Variants in CCDC171 observed in about 807,000 individuals in gnomAD.
CCDC171 encodes coiled-coil domain-containing protein 171.
A neutral mutation model predicts 168.2 loss-of-function variants in CCDC171; 177 were observed. The observed-to-expected ratio is 1.05, with a 90% confidence interval of 0.93 to 1.19. The LOEUF is 1.19. CCDC171 is among the 50% of genes most tolerant of loss of function. The probability of loss-of-function intolerance (pLI) is 0.00; values close to 1 mark genes in which losing one functional copy is unlikely to be tolerated. For synonymous variants in CCDC171, 687 were observed against 540.8 expected, an observed-to-expected ratio of 1.27 and a Z score of -3.75; for missense variants, 1,991 against 1,539.0, an observed-to-expected ratio of 1.29 and a Z score of -4.91.
chr9:16,001,864 G>A (rs1336586101), intron 3 of CCDC171, among the ~76,000 whole-genome samples: 1 of 137,174 alleles, frequency 7.3e-6, no homozygotes, highest in Non-Finnish European at 1.5e-5. Flanking sequence ...TTGAGACAGT[G>A]TCTCGCTCTG....
intron 16 of CCDC171, among the ~76,000 whole-genome samples, chr9:15,739,598 C>T (rs1176071693): frequency 1.3e-5 from 2 of 152,014 alleles, no homozygotes; most frequent in Non-Finnish European, 2.9e-5. Context: ...TAGAACAATG[C>T]CTGGAATATG....
At chr9:15,640,049 C>T (rs7032877) in intron 7 of CCDC171, among the ~76,000 whole-genome samples, 70,245 of 151,422 alleles carry the variant, frequency 0.46, 16,709 homozygotes, top group East Asian at 0.76. Context: ...ATAAATGTTC[C>T]ATTCTGCTTT....
intron 3 of CCDC171, among the ~76,000 whole-genome samples, chr9:16,009,551 T>A (rs1292584482): frequency 6.6e-6 from 1 of 152,230 alleles, no homozygotes; most frequent in Admixed American, 6.5e-5. Context: ...AGCTTTTTGA[T>A]CATTTCCCTT....
At chr9:15,856,258 G>A (rs557206585) in intron 23 of CCDC171, among the ~76,000 whole-genome samples, 16 of 151,940 alleles carry the variant, frequency 1.1e-4, no homozygotes, top group Non-Finnish European at 7.4e-5. Flanking sequence ...CAGGTACAAT[G>A]TTATAAGGCA....
intron 2 of CCDC171, among the ~76,000 whole-genome samples, chr9:15,567,027 CTTTT>C (rs34470119): frequency 1.5e-5 from 2 of 132,292 alleles, no homozygotes; most frequent in Non-Finnish European, 1.6e-5. Flanking sequence ...TCTACATGTC[CTTTT>C]TTTTTTTTTT....
intron 9 of CCDC171, among the ~76,000 whole-genome samples, chr9:15,672,781 G>A (rs548757798): frequency 6.6e-6 from 1 of 152,300 alleles, no homozygotes; most frequent in South Asian, 2.1e-4. Flanking sequence ...AAGTCAGATA[G>A]CGTGATGCCT....
the CCDC171 span, among the ~76,000 whole-genome samples, chr9:16,104,602 G>C: frequency 6.6e-6 from 1 of 152,082 alleles, no homozygotes; most frequent in African/African-American, 2.4e-5. Context: ...CCCAGATGTA[G>C]TGGCACTGAA....
chr9:15,904,910 C>G (rs1458227513), intron 24 of CCDC171, among the ~76,000 whole-genome samples: 4 of 151,160 alleles, frequency 2.6e-5, no homozygotes, highest in South Asian at 2.1e-4. Flanking sequence ...CAACAAAGAT[C>G]AAAAGAGACA....
chr9:15,820,684 G>T (rs1462640583), intron 21 of CCDC171, among the ~76,000 whole-genome samples: 3 of 116,982 alleles, frequency 2.6e-5, no homozygotes, highest in Admixed American at 2.4e-4. Context: ...CTGAAATTGA[G>T]GCAATAATTA....
At chr9:15,938,172 G>C (rs981430666) in intron 25 of CCDC171, among the ~76,000 whole-genome samples, 1 of 151,796 alleles carries the variant, frequency 6.6e-6, no homozygotes, top group East Asian at 1.9e-4. Context: ...AGGAATCTCA[G>C]TCCCAGAGAG....
At chr9:15,586,679 G>C (rs1175692461) in intron 4 of CCDC171, among the ~76,000 whole-genome samples, 1 of 152,190 alleles carries the variant, frequency 6.6e-6, no homozygotes, top group East Asian at 1.9e-4. Context: ...AGAATTGCTA[G>C]TGGAAGTCAG....
chr9:15,777,550 G>A (rs766521880), intron 18 of CCDC171, 50 bp from the exon 19 acceptor site: 2 of 1,098,996 alleles, frequency 1.8e-6, no homozygotes, highest in South Asian at 1.4e-5. Context: ...GTTGTGAAAT[G>A]CACAAGAGAC....
At chr9:15,576,800 C>T (rs561182934) in intron 3 of CCDC171, among the ~76,000 whole-genome samples, 1 of 152,294 alleles carries the variant, frequency 6.6e-6, no homozygotes, top group Admixed American at 6.5e-5. Flanking sequence ...AAGCTATTTC[C>T]TCCTGGAGCA....
chr9:15,702,079 T>A (rs983574234), intron 11 of CCDC171, among the ~76,000 whole-genome samples: 1 of 152,238 alleles, frequency 6.6e-6, no homozygotes, highest in African/African-American at 2.4e-5. Flanking sequence ...AATCTCCTTA[T>A]ACATCTCAGA....
intron 21 of CCDC171, among the ~76,000 whole-genome samples, chr9:15,830,045 C>G (rs1482727935): frequency 6.6e-6 from 1 of 152,098 alleles, no homozygotes; most frequent in Non-Finnish European, 1.5e-5. Flanking sequence ...AGTTGGTGTG[C>G]CTGTGATTTG....
intron 21 of CCDC171, among the ~76,000 whole-genome samples, chr9:15,833,259 T>C (rs1467409526): frequency 6.6e-6 from 1 of 152,172 alleles, no homozygotes; most frequent in African/African-American, 2.4e-5. Context: ...CCCAAAGTGC[T>C]GGGATTACAG....
chr9:16,050,815 C>A (rs1038051815), intron 1 of CCDC171, among the ~76,000 whole-genome samples: 12 of 152,174 alleles, frequency 7.9e-5, no homozygotes, highest in Non-Finnish European at 1.8e-4. Flanking sequence ...GTGGTAGTAA[C>A]CCCTCAAAGT....
Position 15,721,723 on chromosome 9 carries a change from C to T in CCDC171, c.1319-46C>T, listed in dbSNP as rs759271474. 5.5e-6 allele frequency: 6 copies of T among 1,095,454 alleles called. No homozygotes were observed. The South Asian group carries it at 8.4e-5, about 15-fold the overall frequency. The allele number at this position is 1,095,454 out of a possible 1,614,324, so 67.9% of individuals were successfully genotyped here. On this transcript the variant is annotated intron_variant, in intron 11 of 25. Coordinates refer to ENST00000380701, the MANE Select transcript of CCDC171 (RefSeq NM_173550.4). Reference sequence around the variant, plus strand: ...TGTTACTATTTGCCTAAGTTTTGTCCCTTTGTGACTTTAAGGGTATATTTT... The same window carrying T: ...TGTTACTATTTGCCTAAGTTTTGTCTCTTTGTGACTTTAAGGGTATATTTT...
intron 6 of CCDC171, among the ~76,000 whole-genome samples, chr9:15,613,309 A>G (rs2043836002): frequency 6.6e-6 from 1 of 152,196 alleles, no homozygotes; most frequent in Non-Finnish European, 1.5e-5. Flanking sequence ...TGTGACTTTA[A>G]GTGAATGACG....
Sources: allele counts gnomAD v4.1 joint callset (sites outside exome capture counted in the v4.1 genomes callset), GRCh38; gene constraint gnomAD v4.1.1; transcripts MANE v1.5; gene names NCBI Gene and HGNC (gene_info 2026-07-23, HGNC 2026-07-21).